Variants in C4orf54 observed in about 807,000 individuals in gnomAD.
C4orf54 encodes the protein chromosome 4 open reading frame 54.
Under a neutral mutation model 80.1 loss-of-function variants are expected in C4orf54, and 67 were observed. The ratio of observed to expected loss-of-function variants is 0.84; its 90% confidence interval spans 0.69 to 1.03. The LOEUF (loss-of-function observed/expected upper bound fraction) is 1.03. Among genes scored for constraint, C4orf54 ranks in the 50% least tolerant of loss-of-function variants. C4orf54 has a pLI of 0.00. For missense variants in C4orf54, 2,434 were observed against 2,253.5 expected (o/e 1.08, Z -1.62); for synonymous variants, 1,000 against 917.0 (o/e 1.09, Z -1.64).
intron 2 of C4orf54, 137 bp downstream of exon 2, chr4:99,649,094 G>A (rs1726748193): frequency 1.2e-6 from 1 of 844,966 alleles, no homozygotes; most frequent in Admixed American, 3.1e-5. Context: ...TAAATTGGAT[G>A]CAGTTTTGTT....
chr4:99,653,510 T>A lies in C4orf54; in HGVS notation c.1139A>T (p.Gln380Leu). Reference sequence around the variant, plus strand: ...CAGTCCCACGTCGAAATCCATGTCCTGTTCCACCTCACTCAGCTGGATCTC... The same window carrying A: ...CAGTCCCACGTCGAAATCCATGTCCAGTTCCACCTCACTCAGCTGGATCTC... ...THEIQLSEVE[Q>L]DMDFDVGLAS... is the part of the protein sequence containing the mutation. Residue 380 changes from glutamine (Q) to leucine (L), a missense_variant, in exon 2 of 3, where the codon CAG (glutamine) becomes CTG (leucine). Transcript: ENST00000511828. 1 of 1,536,092 alleles carries A rather than the reference T, an allele frequency of 6.5e-7. No homozygotes were observed. The highest frequency in any genetic ancestry group is 8.7e-7 in the Non-Finnish European group (1 of 1,146,892).
chr4:99,651,136 C>T lies in C4orf54; in HGVS notation c.3513G>A (p.Arg1171=), dbSNP rs1346225390. ...QREDSMDREP[R]ESMGKGGGSR... Reference sequence around the variant, plus strand: ...TGCCGCCCCCTTTGCCCATGCTTTCCCTGGGCTCTCGGTCCATGCTGTCTT... The same window carrying T: ...TGCCGCCCCCTTTGCCCATGCTTTCTCTGGGCTCTCGGTCCATGCTGTCTT... Residue 1171 remains arginine, a synonymous_variant, in exon 2 of 3, where the codon AGG becomes AGA. Coordinates refer to ENST00000511828, the MANE Select transcript of C4orf54 (RefSeq NM_001354435.2). The T allele has an allele frequency of 3.9e-6, 6 of 1,536,052 alleles. No homozygotes were observed. Among genetic ancestry groups the T allele is most frequent in the Admixed American group, 2.0e-5 (1 of 50,986 alleles).
chr4:99,649,076 C>A (rs1161218770), intron 2 of C4orf54, among the ~76,000 whole-genome samples, 155 bp downstream of exon 2: 3 of 152,322 alleles, frequency 2.0e-5, no homozygotes, highest in South Asian at 2.1e-4. Context: ...GCAAAATTAT[C>A]CCCTTTGTAA....
Position 99,652,638 on chromosome 4 carries a change from C to A in C4orf54, c.2011G>T (p.Gly671Cys), listed in dbSNP as rs1402746300. The change falls in exon 2 of 3, where the codon GGT becomes TGT. Residue 671 changes from glycine (G) to cysteine (C), a missense_variant. By Grantham distance (159) the Gly-to-Cys change is radical. Transcript: ENST00000511828. ...WSTFLDLKCG[G>C]VGARVEQSLL... is the part of the protein sequence containing the mutation. ...CTCTGCTCCACCCTGGCCCCAACAC[C>A]CCCACATTTTAAGTCCAGGAAAGTT... 6.5e-7 allele frequency: 1 copy of A among 1,535,916 alleles called. No individual in the cohort carries two copies. Among genetic ancestry groups the A allele is most frequent in the Non-Finnish European group, 8.7e-7 (1 of 1,146,882 alleles).
chr4:99,649,992 C>A lies in C4orf54; in HGVS notation c.4657G>T (p.Glu1553Ter). 1 of 1,534,044 alleles carries A rather than the reference C, an allele frequency of 6.5e-7. No homozygotes were observed. Among genetic ancestry groups the A allele is most frequent in the South Asian group, 1.2e-5 (1 of 83,922 alleles). The change falls in exon 2 of 3, where the codon GAG becomes TAG. Residue 1553 changes from glutamate to a stop codon, truncating the protein, a stop_gained. Coordinates refer to ENST00000511828, the MANE Select transcript of C4orf54 (RefSeq NM_001354435.2). LOFTEE classifies it low-confidence loss of function (END_TRUNC). ...TGGTAGATGGTGGTGGGGGGATGCT[C>A]GGGGCTCTGTGGCCCTGGGGGGGCA... ...VAAPPGPQSP[E>*]HPPTTIYHQP...
At position 99,638,933 on chromosome 4, in the gene C4orf54, G is replaced by A. The variant is rs1726558038; in HGVS notation, c.*2300C>T. On this transcript the variant is annotated 3_prime_UTR_variant, in exon 3 of 3. Coordinates refer to ENST00000511828, the MANE Select transcript of C4orf54 (RefSeq NM_001354435.2). ...CCTTGGCAACTTCCTAAAAGGTGAA[G>A]CCTCTTGTATAGAACAAACAAATGA... The A allele has an allele frequency of 6.6e-6, 1 of 152,136 alleles. No homozygotes were observed. Among genetic ancestry groups the A allele is most frequent in the Non-Finnish European group, 1.5e-5 (1 of 68,008 alleles). 9.4% of individuals were successfully genotyped at this position (152,136 alleles called of 1,614,324 possible). A position where few individuals can be genotyped will look rare whatever the true frequency, so the allele number is the denominator to read the frequency against.
In C4orf54 at chr4:99,638,370, G is replaced by T. The variant is rs1726547453; in HGVS notation, c.*2863C>A. 6.6e-6 allele frequency: 1 copy of T among 152,076 alleles called. No homozygotes were observed. 9.4% of individuals were successfully genotyped at this position (152,076 alleles called of 1,614,324 possible). A position where few individuals can be genotyped will look rare whatever the true frequency, so the allele number is the denominator to read the frequency against. On this transcript the variant is annotated 3_prime_UTR_variant, in exon 3 of 3. Coordinates refer to ENST00000511828, the MANE Select transcript of C4orf54 (RefSeq NM_001354435.2). The stretch of plus-strand genomic sequence containing the variant: ...CACATGTGTTCAGTTTTCCAGAAAT[G>T]ATTGAAATGGGACATATTTCAAATA...
Position 99,638,125 on chromosome 4 carries a change from TA to T in C4orf54, c.*3107del. 6.6e-6 allele frequency: 1 copy of T among 152,154 alleles called. No individual in the cohort carries two copies. The highest frequency in any genetic ancestry group is 2.1e-4 in the South Asian group (1 of 4,820). The allele number at this position is 152,154 out of a possible 1,614,324, so 9.4% of individuals were successfully genotyped here. ...ATATCACCAGATATTTCCAGTGACA[TA>T]AGGATGTATTAGAAATGCATGTCAA... On this transcript the variant is annotated 3_prime_UTR_variant, in exon 3 of 3. Coordinates refer to ENST00000511828, the MANE Select transcript of C4orf54 (RefSeq NM_001354435.2).
Position 99,641,193 on chromosome 4 carries a change from G to C in C4orf54, c.*40C>G, listed in dbSNP as rs1726602131. On this transcript the variant is annotated 3_prime_UTR_variant, in exon 3 of 3. Coordinates refer to ENST00000511828, the MANE Select transcript of C4orf54 (RefSeq NM_001354435.2). ...GAAGAATAGTCCATCTTTTTGTCTT[G>C]CTCCTATAAAATAAAAAAATTAAGA... is the stretch of plus-strand genomic sequence containing the variant. 1 of 151,072 alleles carries C rather than the reference G, an allele frequency of 6.6e-6. No individual in the cohort carries two copies. The highest frequency in any genetic ancestry group is 1.5e-5 in the Non-Finnish European group (1 of 67,882). 9.4% of individuals were successfully genotyped at this position (151,072 alleles called of 1,614,324 possible).
Position 99,654,217 on chromosome 4 carries a change from T to C in C4orf54, c.432A>G (p.Ile144Met). 6.5e-7 allele frequency: 1 copy of C among 1,536,118 alleles called. No individual in the cohort carries two copies. The highest frequency in any genetic ancestry group is 1.4e-5 in the African/African-American group (1 of 73,166). The change falls in exon 2 of 3, where the codon ATA becomes ATG. Residue 144 changes from isoleucine (I) to methionine (M), a missense_variant. By Grantham distance (10) the Ile-to-Met change is conservative. Transcript: ENST00000511828. ...TCAGCTCAGGAGGGGCAGCTTCCAT[T>C]ATGAGCCCTTGCCCAGGTTTCAGCG... ...FLSLKPGQGL[I>M]MEAAPPELNS...
chr4:99,637,972 G>A lies in C4orf54; in HGVS notation c.*3261C>T, dbSNP rs1726537531. The A allele has an allele frequency of 6.6e-6, 1 of 152,108 alleles. No individual in the cohort carries two copies. The highest frequency in any genetic ancestry group is 2.4e-5 in the African/African-American group (1 of 41,424). The allele number at this position is 152,108 out of a possible 1,614,324, so 9.4% of individuals were successfully genotyped here. A position where few individuals can be genotyped will look rare whatever the true frequency, so the allele number is the denominator to read the frequency against. ...CCTGCAGTCCAAAGTATTATTTCAG[G>A]TAACGTGAGCATTCAATTTGTAGCA... On this transcript the variant is annotated 3_prime_UTR_variant, in exon 3 of 3. Transcript: ENST00000511828.
Position 99,653,673 on chromosome 4 carries a change from A to G in C4orf54, c.976T>C (p.Ser326Pro). ...QAVGGEGEKI[S>P]GGGGGGKGGG... ...CCTTTTCCTCCTCCCCCTCCTCCTG[A>G]TATTTTCTCTCCTTCTCCTCCCACG... Residue 326 changes from serine to proline, a missense_variant, in exon 2 of 3, where the codon TCA becomes CCA. Physicochemically the swap from Ser to Pro is moderately conservative, Grantham distance 74. Transcript: ENST00000511828. 1.3e-6 allele frequency: 2 copies of G among 1,517,352 alleles called. No homozygotes were observed. Among genetic ancestry groups the G allele is most frequent in the South Asian group, 1.2e-5 (1 of 81,278 alleles). 94.0% of individuals were successfully genotyped at this position (1,517,352 alleles called of 1,614,324 possible).
At chr4:99,641,397 A>G (rs780061734) in intron 2 of C4orf54, among the ~76,000 whole-genome samples, 14 of 152,162 alleles carry the variant, frequency 9.2e-5, no homozygotes, top group Non-Finnish European at 1.9e-4. Context: ...CATTATGCCA[A>G]CTTCAGGAAA....
Position 99,636,621 on chromosome 4 carries a change from A to C in C4orf54, c.*4612T>G, listed in dbSNP as rs1726506830. ...ATAAAAGACCATTACACAAGATTGC[A>C]CAATCATTTACAAATGCTGGCAATT... is the stretch of plus-strand genomic sequence containing the variant. On this transcript the variant is annotated 3_prime_UTR_variant, in exon 3 of 3. Coordinates refer to ENST00000511828, the MANE Select transcript of C4orf54 (RefSeq NM_001354435.2). The C allele has an allele frequency of 6.6e-6, 1 of 152,198 alleles. No homozygotes were observed. The highest frequency in any genetic ancestry group is 6.5e-5 in the Admixed American group (1 of 15,276). 9.4% of individuals were successfully genotyped at this position (152,198 alleles called of 1,614,324 possible). A position where few individuals can be genotyped will look rare whatever the true frequency, so the allele number is the denominator to read the frequency against.
At position 99,650,646 on chromosome 4, in the gene C4orf54, C is replaced by T. The variant is rs1320076873; in HGVS notation, c.4003G>A (p.Ala1335Thr). The T allele has an allele frequency of 5.9e-6, 9 of 1,535,946 alleles. No individual in the cohort carries two copies. Among genetic ancestry groups the T allele is most frequent in the Non-Finnish European group, 6.1e-6 (7 of 1,146,894 alleles). ...CTCCGCTGCAGACGTTCTATGGGGG[C>T]CCCTCGCAGGACCACACCAGCTTTG... ...GNKAGVVLRG[A>T]PIERLQRRNS... Residue 1335 changes from alanine (A) to threonine (T), a missense_variant, in exon 2 of 3, where the codon GCC becomes ACC. By Grantham distance (58) the Ala-to-Thr change is moderately conservative. Transcript: ENST00000511828.
Position 99,651,502 on chromosome 4 carries a change from G to A in C4orf54, c.3147C>T (p.Leu1049=), listed in dbSNP as rs753180098. The A allele has an allele frequency of 6.4e-5, 98 of 1,536,064 alleles. 1 individual carries two copies. Among genetic ancestry groups the A allele is most frequent in the Non-Finnish European group, 7.8e-5 (89 of 1,146,920 alleles). The change falls in exon 2 of 3, where the codon CTC becomes CTT. Residue 1049 remains leucine (L), a synonymous_variant. Transcript: ENST00000511828. ...CGCTGCCACCGGCCAGCTTGGGCGT[G>A]AGCAACTTGGCAATGTTGAAGTCTG... The part of the protein sequence containing the change: ...PSSDFNIAKL[L]TPKLAGGSAS...
At position 99,649,969 on chromosome 4, in the gene C4orf54, G is replaced by C. The variant is rs770175722; in HGVS notation, c.4680C>G (p.Tyr1560Ter). ...GGGTGAAGGGCAGCGGCGGCTGGTG[G>C]TAGATGGTGGTGGGGGGATGCTCGG... ...QSPEHPPTTI[Y>*]HQPPLPFTLQ... The change falls in exon 2 of 3, where the codon TAC (tyrosine) becomes TAG (stop). Residue 1560 changes from tyrosine (Y) to a stop codon, truncating the protein, a stop_gained. Coordinates refer to ENST00000511828, the MANE Select transcript of C4orf54 (RefSeq NM_001354435.2). LOFTEE classifies it low-confidence loss of function (END_TRUNC). 1 of 1,534,376 alleles carries C rather than the reference G, an allele frequency of 6.5e-7. No individual in the cohort carries two copies. The highest frequency in any genetic ancestry group is 1.4e-5 in the African/African-American group (1 of 72,938).
chr4:99,653,309 G>C lies in C4orf54; in HGVS notation c.1340C>G (p.Pro447Arg). ...GGGGCGGGCCAGGTCGCTGCTTGTA[G>C]GGCTGGGCGTCCGGGTGGTGTTGGT... ...PSTNTTRTPS[P>R]TSSDLARPNA... Residue 447 changes from proline to arginine, a missense_variant, in exon 2 of 3, where the codon CCT (proline) becomes CGT (arginine). By Grantham distance (103) the Pro-to-Arg change is moderately radical. Transcript: ENST00000511828. The C allele has an allele frequency of 6.5e-7, 1 of 1,532,604 alleles. No homozygotes were observed. The highest frequency in any genetic ancestry group is 1.2e-5 in the South Asian group (1 of 83,622). 94.9% of individuals were successfully genotyped at this position (1,532,604 alleles called of 1,614,324 possible).
rs1025365477 is a variant in C4orf54, at chr4:99,653,604, T to C, written c.1045A>G (p.Ile349Val). ...GAGDGTECRD[I>V]IAKSQGSRDP... ...CTGCTGCCCTGGGACTTGGCAATAA[T>C]GTCCCTGCACTCTGTTCCATCTCCT... The change falls in exon 2 of 3, where the codon ATT (isoleucine) becomes GTT (valine). Residue 349 changes from isoleucine (I) to valine (V), a missense_variant. Transcript: ENST00000511828. 6.5e-6 allele frequency: 10 copies of C among 1,535,990 alleles called. No individual in the cohort carries two copies. The African/African-American group carries it at 1.4e-4, about 21-fold the overall frequency.
Sources: allele counts gnomAD v4.1 joint callset (sites outside exome capture counted in the v4.1 genomes callset), GRCh38; gene constraint gnomAD v4.1.1; transcripts MANE v1.5; gene names NCBI Gene and HGNC (gene_info 2026-07-23, HGNC 2026-07-21).